INSYN2B: variants seen among roughly 807,000 people sequenced by gnomAD.
INSYN2B encodes protein INSYN2B.
INSYN2B carries 16 observed loss-of-function variants against 41.2 expected under a neutral mutation model. The ratio of observed to expected loss-of-function variants is 0.39; its 90% CI spans 0.26 to 0.59. The LOEUF (loss-of-function observed/expected upper bound fraction) is 0.59. Among genes scored for constraint, INSYN2B ranks in the 20% least tolerant of loss-of-function variants. The probability of loss-of-function intolerance (pLI) is 0.57; values close to 1 mark genes in which losing one functional copy is unlikely to be tolerated. For synonymous variants in INSYN2B, 245 were observed against 244.4 expected, an observed-to-expected ratio of 1.00 and a Z score of -0.02; for missense variants, 608 against 646.4, an observed-to-expected ratio of 0.94 and a Z score of 0.64.
chr5:169,925,609 T>C (rs1415054925), intron 1 of INSYN2B, among the ~76,000 whole-genome samples: 2 of 135,130 alleles, frequency 1.5e-5, no homozygotes, highest in Admixed American at 7.7e-5. Flanking sequence ...AAAAAAAGCA[T>C]TGTCCTGGGG....
intron 1 of INSYN2B, among the ~76,000 whole-genome samples, chr5:169,931,764 G>A (rs537318365): frequency 1.3e-5 from 2 of 152,268 alleles, no homozygotes; most frequent in East Asian, 1.9e-4. Context: ...CCAGGAGATG[G>A]AAGCACAGCC....
intron 1 of INSYN2B, among the ~76,000 whole-genome samples, chr5:169,903,719 G>A (rs916867012): frequency 1.3e-5 from 2 of 152,128 alleles, no homozygotes; most frequent in Non-Finnish European, 2.9e-5. Flanking sequence ...AAAGAAGTAA[G>A]TTTGGAGAAA....
chr5:169,924,069 G>A (rs1341785648), intron 1 of INSYN2B, among the ~76,000 whole-genome samples: 2 of 152,156 alleles, frequency 1.3e-5, no homozygotes, highest in African/African-American at 4.8e-5. Context: ...GTCTCCTCCT[G>A]CCACCCTCTT....
intron 1 of INSYN2B, among the ~76,000 whole-genome samples, chr5:169,928,609 G>A (rs1775592232): frequency 6.6e-6 from 1 of 152,216 alleles, no homozygotes; most frequent in African/African-American, 2.4e-5. Flanking sequence ...AAAGGACAGT[G>A]TCATGGAGGC....
chr5:169,861,753 A>G lies in INSYN2B; in HGVS notation c.*2520T>C, dbSNP rs1429792173. Reference sequence around the variant, plus strand: ...ATTTTTGTTCATCAGGAAAATGTTTATGGAATCCTATTTCCTCATAATGAT... The same window carrying G: ...ATTTTTGTTCATCAGGAAAATGTTTGTGGAATCCTATTTCCTCATAATGAT... On this transcript the variant is annotated 3_prime_UTR_variant, in exon 4 of 4. Transcript: ENST00000377365. Among the ~76,000 whole-genome samples, 1 of 152,180 alleles carries G rather than the reference A, an allele frequency of 6.6e-6. No homozygotes were observed. Among genetic ancestry groups the G allele is most frequent in the East Asian group, 1.9e-4 (1 of 5,198 alleles).
intron 1 of INSYN2B, among the ~76,000 whole-genome samples, chr5:169,911,916 G>A (rs1774618546): frequency 6.6e-6 from 1 of 152,180 alleles, no homozygotes; most frequent in South Asian, 2.1e-4. Context: ...GAGTCTCATG[G>A]GGCTATTAAA....
At chr5:169,910,115 T>A (rs1358503771) in intron 1 of INSYN2B, among the ~76,000 whole-genome samples, 1 of 152,190 alleles carries the variant, frequency 6.6e-6, no homozygotes, top group African/African-American at 2.4e-5. Context: ...GGCCTGGTGT[T>A]AGCTGAGCCA....
At chr5:169,956,500 A>G (rs1373218882) in intron 1 of INSYN2B, among the ~76,000 whole-genome samples, 1 of 152,228 alleles carries the variant, frequency 6.6e-6, no homozygotes, top group Non-Finnish European at 1.5e-5. Context: ...GGGACTTCCA[A>G]ACAAATGCTT....
intron 1 of INSYN2B, among the ~76,000 whole-genome samples, chr5:169,899,937 T>C (rs1305950902): frequency 6.6e-6 from 1 of 152,228 alleles, no homozygotes; most frequent in Non-Finnish European, 1.5e-5. Context: ...TGATTTTCAG[T>C]TATGTCATTT....
chr5:169,886,296 T>C (rs376722752), intron 1 of INSYN2B, among the ~76,000 whole-genome samples: 1 of 152,304 alleles, frequency 6.6e-6, no homozygotes, highest in East Asian at 1.9e-4. Context: ...CATTGTCACA[T>C]ACCTCTCTGA....
At position 169,882,581 on chromosome 5, in the gene INSYN2B, A is replaced by T. The variant is rs1255792270; in HGVS notation, c.1318T>A (p.Leu440Met). The T allele has an allele frequency of 1.3e-6, 2 of 1,549,244 alleles. No homozygotes were observed. Among genetic ancestry groups the T allele is most frequent in the South Asian group, 1.2e-5 (1 of 84,036 alleles). ...TCAGTGAGAGCTCGAGCTTTCTCCA[A>T]GTCTTGAATTACATTCAAAAGGACT... is the stretch of plus-strand genomic sequence containing the variant. ...IKVLLNVIQD[L>M]EKARALTEGR... The change falls in exon 2 of 4, where the codon TTG (leucine) becomes ATG (methionine). Residue 440 changes from leucine to methionine, a missense_variant. Transcript: ENST00000377365.
intron 1 of INSYN2B, among the ~76,000 whole-genome samples, chr5:169,930,891 A>C (rs1581434681): frequency 6.6e-6 from 1 of 152,180 alleles, no homozygotes. Flanking sequence ...CCATACACAT[A>C]AATACAATAA....
At chr5:169,945,376 C>A (rs1019291204) in intron 1 of INSYN2B, among the ~76,000 whole-genome samples, 3 of 152,220 alleles carry the variant, frequency 2.0e-5, no homozygotes, top group Admixed American at 6.5e-5. Flanking sequence ...GAGACTGGAA[C>A]AAATTTGAAC....
chr5:169,958,251 A>G (rs1027204692), intron 1 of INSYN2B, among the ~76,000 whole-genome samples: 4 of 152,044 alleles, frequency 2.6e-5, no homozygotes, highest in African/African-American at 9.7e-5. Context: ...CACCTACCCC[A>G]TTTATACTTT....
intron 1 of INSYN2B, among the ~76,000 whole-genome samples, chr5:169,907,519 A>G (rs1401052463): frequency 1.3e-5 from 2 of 152,246 alleles, no homozygotes; most frequent in African/African-American, 2.4e-5. Context: ...GGTAACCACC[A>G]CTTAGCGAAG....
At chr5:169,871,983 C>A (rs1772007696) in intron 3 of INSYN2B, among the ~76,000 whole-genome samples, 1 of 152,210 alleles carries the variant, frequency 6.6e-6, no homozygotes, top group African/African-American at 2.4e-5. Flanking sequence ...TCCAGTGAGC[C>A]ATTTTGCACT....
At chr5:169,920,970 G>A (rs1156421270) in intron 1 of INSYN2B, among the ~76,000 whole-genome samples, 1 of 152,174 alleles carries the variant, frequency 6.6e-6, no homozygotes, top group Admixed American at 6.5e-5. Context: ...GATTCATATT[G>A]TTAGGTCTTC....
Position 169,939,503 on chromosome 5 carries a change from A to C in INSYN2B, c.-919+40774T>G, listed in dbSNP as rs139024082. The stretch of plus-strand genomic sequence containing the variant: ...AAAAATATGATATAGTAAATACATA[A>C]ACCAGTAACAGTCGTTTATTATTAT... On this transcript the variant is annotated intron_variant, in intron 1 of 3. Transcript: ENST00000377365. Among the ~76,000 whole-genome samples the C allele has an allele frequency of 3.4e-3, 522 of 152,354 alleles. 5 individuals are homozygous for C. In the South Asian group the frequency reaches 0.043, roughly 13 times the overall value.
intron 1 of INSYN2B, among the ~76,000 whole-genome samples, chr5:169,941,053 G>C (rs1450159956): frequency 6.6e-6 from 1 of 152,178 alleles, no homozygotes; most frequent in Non-Finnish European, 1.5e-5. Context: ...CTTCAGTGGG[G>C]TAGGCAGATA....
Sources: allele counts gnomAD v4.1 joint callset (sites outside exome capture counted in the v4.1 genomes callset), GRCh38; gene constraint gnomAD v4.1.1; transcripts MANE v1.5; gene names NCBI Gene and HGNC (gene_info 2026-07-23, HGNC 2026-07-21).